The following PDZD8 variants were observed in gnomAD, a reference collection of about 807,000 sequenced individuals.
PDZD8 encodes PDZ domain containing 8.
Under a neutral mutation model 85.8 loss-of-function variants are expected in PDZD8, and 14 were observed. That is an observed-to-expected ratio of 0.16 (90% confidence interval 0.11 to 0.26). The LOEUF (loss-of-function observed/expected upper bound fraction) is 0.26. Ranked by LOEUF, PDZD8 falls within the 10% of genes least tolerant of loss-of-function variation. The pLI, the probability that PDZD8 is intolerant of heterozygous loss-of-function variation, is 1.00. For synonymous variants in PDZD8, 592 were observed against 568.6 expected (o/e 1.04, Z -0.59); for missense variants, 1,197 against 1,424.3 (o/e 0.84, Z 2.57).
chr10:117,369,507 A>T (rs1845153136), intron 1 of PDZD8, among the ~76,000 whole-genome samples: 1 of 152,086 alleles, frequency 6.6e-6, no homozygotes, highest in South Asian at 2.1e-4. Context: ...TCCCTTCAAA[A>T]ATGTAATTAA....
intron 3 of PDZD8, among the ~76,000 whole-genome samples, chr10:117,309,266 T>C (rs1843994383): frequency 6.6e-6 from 1 of 151,998 alleles, no homozygotes; most frequent in South Asian, 2.1e-4. Context: ...CTTACTACAA[T>C]ACTGTGAAAC....
At chr10:117,296,015 G>A (rs924612346) in intron 3 of PDZD8, among the ~76,000 whole-genome samples, 8 of 151,712 alleles carry the variant, frequency 5.3e-5, no homozygotes, top group African/African-American at 1.9e-4. Flanking sequence ...TGTAAAGATC[G>A]GAAGGGAGGA....
intron 2 of PDZD8, among the ~76,000 whole-genome samples, chr10:117,332,948 G>A (rs778051627): frequency 4.0e-5 from 6 of 150,914 alleles, no homozygotes; most frequent in African/African-American, 7.3e-5. Flanking sequence ...TGAAACGCCC[G>A]TCTCTACTAA....
chr10:117,296,486 G>A (rs1428153884), intron 3 of PDZD8, among the ~76,000 whole-genome samples: 5 of 152,084 alleles, frequency 3.3e-5, no homozygotes, highest in Non-Finnish European at 7.4e-5. Context: ...GGCATTTAGA[G>A]AAGAAATGGA....
intron 3 of PDZD8, among the ~76,000 whole-genome samples, chr10:117,300,269 G>A (rs562879146): frequency 1.8e-4 from 27 of 151,962 alleles, no homozygotes; most frequent in Non-Finnish European, 3.7e-4. Flanking sequence ...TTTTTGTTTC[G>A]TGGTCCTCTG....
intron 2 of PDZD8, among the ~76,000 whole-genome samples, chr10:117,322,775 C>A (rs987041335): frequency 1.3e-5 from 2 of 152,062 alleles, no homozygotes; most frequent in Admixed American, 6.6e-5. Flanking sequence ...TAGAGCAACC[C>A]ATCACTAAAA....
At chr10:117,300,368 T>C (rs540814852) in intron 3 of PDZD8, among the ~76,000 whole-genome samples, 2 of 152,318 alleles carry the variant, frequency 1.3e-5, no homozygotes, top group African/African-American at 4.8e-5. Flanking sequence ...AATGGAAGTT[T>C]TGGAAAACAT....
intron 2 of PDZD8, among the ~76,000 whole-genome samples, chr10:117,319,608 T>TA: frequency 6.6e-6 from 1 of 152,260 alleles, no homozygotes; most frequent in Admixed American, 6.5e-5. Context: ...AAGTGCTCAA[T>TA]AAATGTTATC....
At chr10:117,363,072 AT>A (rs1477255551) in intron 1 of PDZD8, among the ~76,000 whole-genome samples, 3 of 152,090 alleles carry the variant, frequency 2.0e-5, no homozygotes, top group African/African-American at 7.2e-5. Flanking sequence ...ACAAAATAAG[AT>A]TTTCAGTGCA....
chr10:117,334,157 C>G (rs1435899444), intron 2 of PDZD8, among the ~76,000 whole-genome samples: 3 of 152,158 alleles, frequency 2.0e-5, no homozygotes, highest in Non-Finnish European at 4.4e-5. Flanking sequence ...TAGACAGAAG[C>G]CTGCTTTGAG....
In PDZD8 at chr10:117,307,700, A is replaced by C. The variant is rs773649999; in HGVS notation, c.1098+11172T>G. On this transcript the variant is annotated intron_variant, in intron 3 of 4. Coordinates refer to ENST00000334464, the MANE Select transcript of PDZD8 (RefSeq NM_173791.5). The stretch of plus-strand genomic sequence containing the variant: ...GTAAACCAACATGCTTACAAATGGG[A>C]AACACGGCTGTTCCCAAATCGACTT... Among the ~76,000 whole-genome samples the C allele has an allele frequency of 7.9e-5, 12 of 152,214 alleles. No individual in the cohort carries two copies. In the South Asian group the frequency reaches 8.3e-4, roughly 11 times the overall value.
At chr10:117,328,650 C>CTTATGTTAACCAATCAGTCTTT (rs1266914136) in intron 2 of PDZD8, among the ~76,000 whole-genome samples, 1 of 151,940 alleles carries the variant, frequency 6.6e-6, no homozygotes. Flanking sequence ...GAAAAAGTAA[C>CTTATGTTAACCAATCAGTCTTT]TTATGTTAAC....
At chr10:117,363,743 T>C (rs1280475508) in intron 1 of PDZD8, among the ~76,000 whole-genome samples, 2 of 152,170 alleles carry the variant, frequency 1.3e-5, no homozygotes, top group African/African-American at 2.4e-5. Context: ...AGCTTTTCTA[T>C]CAAAGTTATG....
intron 1 of PDZD8, among the ~76,000 whole-genome samples, chr10:117,352,400 T>A (rs954325737): frequency 6.6e-6 from 1 of 152,204 alleles, no homozygotes; most frequent in African/African-American, 2.4e-5. Flanking sequence ...TTTCTCAGTA[T>A]GTAGTAGCAA....
At chr10:117,293,034 C>T (rs1298966321) in intron 3 of PDZD8, among the ~76,000 whole-genome samples, 1 of 151,912 alleles carries the variant, frequency 6.6e-6, no homozygotes, top group East Asian at 1.9e-4. Context: ...TGACATGATT[C>T]AGAAGTTTCA....
intron 1 of PDZD8, among the ~76,000 whole-genome samples, chr10:117,345,333 G>A (rs1844686302): frequency 6.6e-6 from 1 of 152,204 alleles, no homozygotes; most frequent in African/African-American, 2.4e-5. Flanking sequence ...AAATAAGACA[G>A]CTGGGAGGAG....
Position 117,284,301 on chromosome 10 carries a change from T to C in PDZD8, c.2432A>G (p.Lys811Arg), listed in dbSNP as rs144686674. Residue 811 changes from lysine to arginine, a missense_variant, in exon 5 of 5, where the codon AAA becomes AGA. By Grantham distance (26) the Lys-to-Arg change is conservative (BLOSUM62 2). This residue lies in a region of PDZD8 where 418 missense variants were observed against 571.1 expected (regional missense o/e 0.73). Coordinates refer to ENST00000334464, the MANE Select transcript of PDZD8 (RefSeq NM_173791.5). ...TTCAACCAAATGGGGTTCTTTTTCTTTTTCTACGTTAGTAACTACATGGTG... is the reference window on the plus strand; with the variant it reads ...TTCAACCAAATGGGGTTCTTTTTCTCTTTCTACGTTAGTAACTACATGGTG... ...SDHHVVTNVEKEKEPHLVEEV... is the reference protein window; with the variant it reads ...SDHHVVTNVEREKEPHLVEEV... 1.2e-6 allele frequency: 2 copies of C among 1,613,760 alleles called. No individual in the cohort carries two copies. The highest frequency in any genetic ancestry group is 2.7e-5 in the African/African-American group (2 of 74,842).
intron 3 of PDZD8, among the ~76,000 whole-genome samples, chr10:117,308,869 C>T (rs1207802820): frequency 5.3e-5 from 8 of 152,074 alleles, no homozygotes; most frequent in African/African-American, 1.9e-4. Flanking sequence ...CATGTAAAAT[C>T]TTAAAACTAT....
chr10:117,339,327 G>C (rs530537140), intron 2 of PDZD8, among the ~76,000 whole-genome samples: 1 of 152,144 alleles, frequency 6.6e-6, no homozygotes, highest in Admixed American at 6.5e-5. Context: ...AAATGTAGCC[G>C]GAGGATAGTA....
Sources: allele counts gnomAD v4.1 joint callset (sites outside exome capture counted in the v4.1 genomes callset), GRCh38; gene constraint gnomAD v4.1.1; regional missense constraint gnomAD v4.1.1; transcripts MANE v1.5; gene names NCBI Gene and HGNC (gene_info 2026-07-23, HGNC 2026-07-21).